The following GPC6 variants were observed in gnomAD, a reference collection of about 807,000 sequenced individuals.
GPC6 encodes glypican-6.
A neutral mutation model predicts 55.2 loss-of-function variants in GPC6; 14 were observed. The observed-to-expected ratio is 0.25, with a 90% CI of 0.17 to 0.40. The LOEUF is 0.40. Among genes scored for constraint, GPC6 ranks in the 10% least tolerant of loss-of-function variants. GPC6 has a pLI of 1.00. For synonymous variants in GPC6, 278 were observed against 259.6 expected (o/e 1.07, Z -0.68); for missense variants, 641 against 708.5 (o/e 0.90, Z 1.08).
rs1397841690 is a variant in GPC6, at chr13:94,119,472, G to A, written c.877+91578G>A. ...GAAGGAGCAATAGGGCAGGGGTTGT[G>A]GGGGAATAGCATTACAGGCAGGAGA... On this transcript the variant is annotated intron_variant, in intron 4 of 8. Transcript: ENST00000377047. Among the ~76,000 whole-genome samples, 6 of 152,052 alleles carry A rather than the reference G, an allele frequency of 3.9e-5. No homozygotes were observed. In the East Asian group the frequency reaches 9.7e-4, roughly 25 times the overall value.
intron 1 of GPC6, among the ~76,000 whole-genome samples, chr13:93,495,726 T>A (rs2139364292): frequency 7.8e-6 from 1 of 128,992 alleles, no homozygotes; most frequent in African/African-American, 2.9e-5. Context: ...TTCTGTTTGT[T>A]AGTATTCCTT....
At chr13:93,604,695 A>G (rs912900507) in intron 2 of GPC6, among the ~76,000 whole-genome samples, 1 of 152,224 alleles carries the variant, frequency 6.6e-6, no homozygotes, top group African/African-American at 2.4e-5. Context: ...AATGAAAATA[A>G]AAACACTGAA....
chr13:93,865,513 G>A (rs1173745317), intron 3 of GPC6, among the ~76,000 whole-genome samples: 2 of 151,684 alleles, frequency 1.3e-5, no homozygotes, highest in African/African-American at 2.4e-5. Context: ...GAAGGATTTA[G>A]CTTAAAGCCA....
Position 94,340,982 on chromosome 13 carries a change from G to T in GPC6, c.1152+34859G>T, listed in dbSNP as rs372099398. On this transcript the variant is annotated intron_variant, in intron 6 of 8. Coordinates refer to ENST00000377047, the MANE Select transcript of GPC6 (RefSeq NM_005708.5). ...ATCTGGAAGGCAATAGGAAAGAAAG[G>T]TAACACTGGCATTATCTTCTATTGT... Among the ~76,000 whole-genome samples the T allele has an allele frequency of 8.0e-4, 122 of 152,306 alleles. No individual in the cohort carries two copies. The South Asian group carries it at 0.024, about 31-fold the overall frequency.
chr13:93,494,855 A>C (rs999382087), intron 1 of GPC6, among the ~76,000 whole-genome samples: 1 of 145,860 alleles, frequency 6.9e-6, no homozygotes, highest in Non-Finnish European at 1.5e-5. Flanking sequence ...ATTGGCCCCC[A>C]CTCTCTTCTG....
intron 4 of GPC6, among the ~76,000 whole-genome samples, chr13:94,114,939 G>C (rs964577594): frequency 5.9e-5 from 9 of 152,130 alleles, no homozygotes; most frequent in African/African-American, 1.4e-4. Flanking sequence ...GAGTCAAAAA[G>C]CTAGTTCATG....
At chr13:94,358,417 T>C (rs1371930681) in intron 6 of GPC6, among the ~76,000 whole-genome samples, 1 of 152,124 alleles carries the variant, frequency 6.6e-6, no homozygotes, top group Non-Finnish European at 1.5e-5. Context: ...GCAATCAGAT[T>C]CATTGGTCAT....
chr13:93,284,056 A>C (rs1878034613), intron 1 of GPC6, among the ~76,000 whole-genome samples: 1 of 152,242 alleles, frequency 6.6e-6, no homozygotes, highest in African/African-American at 2.4e-5. Flanking sequence ...TTGTTAGTTT[A>C]CTGTGCTAGC....
intron 4 of GPC6, among the ~76,000 whole-genome samples, chr13:94,133,993 A>C (rs1887098023): frequency 1.3e-5 from 2 of 152,236 alleles, no homozygotes; most frequent in African/African-American, 4.8e-5. Context: ...CATCAGTTGA[A>C]AACAACATTC....
intron 2 of GPC6, among the ~76,000 whole-genome samples, chr13:93,734,846 T>A (rs771392721): frequency 1.2e-4 from 19 of 152,180 alleles, no homozygotes; most frequent in Non-Finnish European, 2.6e-4. Flanking sequence ...AATTAATAAC[T>A]ATTAATGATT....
intron 4 of GPC6, among the ~76,000 whole-genome samples, chr13:94,219,452 C>T (rs529663938): frequency 2.6e-5 from 4 of 152,176 alleles, no homozygotes; most frequent in Non-Finnish European, 5.9e-5. Flanking sequence ...CTGTGCTTGG[C>T]AGGCTTAGAA....
intron 2 of GPC6, among the ~76,000 whole-genome samples, chr13:93,560,884 G>A (rs529942916): frequency 1.3e-5 from 2 of 152,048 alleles, no homozygotes; most frequent in Admixed American, 6.5e-5. Context: ...GTCTTCTTGC[G>A]CATGTCAAAC....
chr13:93,918,054 G>A (rs1877379956), intron 3 of GPC6, among the ~76,000 whole-genome samples: 1 of 151,468 alleles, frequency 6.6e-6, no homozygotes, highest in African/African-American at 2.4e-5. Flanking sequence ...CTGAGATCAT[G>A]CCACTGGACT....
intron 5 of GPC6, among the ~76,000 whole-genome samples, chr13:94,289,690 A>G (rs1874852263): frequency 1.3e-5 from 2 of 152,198 alleles, no homozygotes. Flanking sequence ...TAAATCTTTA[A>G]TAAAAGGAAC....
Position 93,612,532 on chromosome 13 carries a change from C to CACACACACACAG in GPC6, c.319+67122_319+67123insGACACACACACA, listed in dbSNP as rs1157485089. Among the ~76,000 whole-genome samples, 28 of 152,034 alleles carry CACACACACACAG rather than the reference C, an allele frequency of 1.8e-4. No individual in the cohort carries two copies. The South Asian group carries it at 4.8e-3, about 26-fold the overall frequency. On this transcript the variant is annotated intron_variant, in intron 2 of 8. Transcript: ENST00000377047. ...ACACACACACACACACACACACACA[C>CACACACACACAG]ACACACACACAAACTTCATGTGGCA...
intron 1 of GPC6, among the ~76,000 whole-genome samples, chr13:93,370,241 T>C (rs1881402206): frequency 6.6e-6 from 1 of 152,126 alleles, no homozygotes; most frequent in South Asian, 2.1e-4. Flanking sequence ...TTTTGAACTA[T>C]CTGGAAATGT....
intron 3 of GPC6, among the ~76,000 whole-genome samples, chr13:93,894,145 A>G (rs1594565286): frequency 1.3e-5 from 2 of 152,138 alleles, no homozygotes; most frequent in African/African-American, 4.8e-5. Context: ...ATTGCTGCAT[A>G]TGTTTTTCCC....
intron 2 of GPC6, among the ~76,000 whole-genome samples, chr13:93,622,428 C>T (rs1430748211): frequency 6.6e-6 from 1 of 151,782 alleles, no homozygotes; most frequent in East Asian, 1.9e-4. Flanking sequence ...AATAAAACAC[C>T]ACGTGTGTAA....
intron 4 of GPC6, among the ~76,000 whole-genome samples, chr13:94,155,878 G>A (rs1887915788): frequency 6.6e-6 from 1 of 152,148 alleles, no homozygotes; most frequent in Non-Finnish European, 1.5e-5. Context: ...ACAGGAACAA[G>A]AGGGGTAGAG....
Sources: allele counts gnomAD v4.1 joint callset (sites outside exome capture counted in the v4.1 genomes callset), GRCh38; gene constraint gnomAD v4.1.1; transcripts MANE v1.5; gene names NCBI Gene and HGNC (gene_info 2026-07-23, HGNC 2026-07-21).